Variants in THUMPD2 observed in about 807,000 individuals in gnomAD.
THUMPD2 encodes the protein U6 snRNA (guanine-N(2))-methyltransferase THUMPD2.
THUMPD2 carries 56 observed loss-of-function variants against 49.4 expected under a neutral mutation model. The ratio of observed to expected loss-of-function variants is 1.13; its 90% CI spans 0.91 to 1.41. The LOEUF is 1.41. Among genes scored for constraint, THUMPD2 ranks in the 40% most tolerant of loss-of-function variants. THUMPD2 has a pLI of 0.00. For synonymous variants in THUMPD2, 237 were observed against 205.2 expected (o/e 1.15, Z -1.32); for missense variants, 709 against 594.5 (o/e 1.19, Z -2.00).
chr2:39,749,232 A>G (rs1675053893), intron 8 of THUMPD2, among the ~76,000 whole-genome samples: 1 of 152,218 alleles, frequency 6.6e-6, no homozygotes, highest in African/African-American at 2.4e-5. Flanking sequence ...AAGAAGTTGC[A>G]TCTTTGACAG....
At chr2:39,764,158 A>G (rs971826157) in intron 5 of THUMPD2, among the ~76,000 whole-genome samples, 2 of 152,178 alleles carry the variant, frequency 1.3e-5, no homozygotes, top group African/African-American at 4.8e-5. Flanking sequence ...TCTCTTTCCT[A>G]ACTCTAATCA....
intron 6 of THUMPD2, 124 bp downstream of exon 6, chr2:39,761,207 A>G (rs1482772411): frequency 1.1e-5 from 9 of 785,526 alleles, no homozygotes; most frequent in South Asian, 2.0e-5. Context: ...AAAAGAAAAG[A>G]AGTTAAAGAA....
intron 5 of THUMPD2, among the ~76,000 whole-genome samples, chr2:39,763,654 C>T (rs1558523026): frequency 6.6e-6 from 1 of 152,080 alleles, no homozygotes; most frequent in Non-Finnish European, 1.5e-5. Flanking sequence ...CTCCTTCTCT[C>T]TTTTTATTTC....
intron 1 of THUMPD2, among the ~76,000 whole-genome samples, chr2:39,775,548 T>C (rs1241344974): frequency 6.6e-6 from 1 of 151,858 alleles, no homozygotes; most frequent in Admixed American, 6.6e-5. Context: ...GGCGGGTGGA[T>C]CACTTGAAAT....
chr2:39,742,832 C>T (rs912491685), intron 9 of THUMPD2, among the ~76,000 whole-genome samples: 1 of 152,114 alleles, frequency 6.6e-6, no homozygotes, highest in African/African-American at 2.4e-5. Context: ...TTTTTAAAAG[C>T]TCCTGAAATG....
At chr2:39,778,015 T>C (rs1679341816) in intron 1 of THUMPD2, among the ~76,000 whole-genome samples, 1 of 152,202 alleles carries the variant, frequency 6.6e-6, no homozygotes, top group South Asian at 2.1e-4. Context: ...TATATACTCA[T>C]TCTTGATTTC....
At chr2:39,753,989 A>T (rs1427699238) in intron 8 of THUMPD2, among the ~76,000 whole-genome samples, 1 of 152,104 alleles carries the variant, frequency 6.6e-6, no homozygotes, top group Non-Finnish European at 1.5e-5. Context: ...AGCACTTCTG[A>T]CTGTTTTTTA....
At chr2:39,764,709 T>C (rs143204817) in intron 5 of THUMPD2, among the ~76,000 whole-genome samples, 1 of 152,344 alleles carries the variant, frequency 6.6e-6, no homozygotes, top group African/African-American at 2.4e-5. Context: ...CTATCTGTTG[T>C]GCAAGTCTTC....
chr2:39,742,793 G>C (rs531539090), intron 9 of THUMPD2, among the ~76,000 whole-genome samples: 2 of 152,150 alleles, frequency 1.3e-5, no homozygotes, highest in Admixed American at 1.3e-4. Context: ...GCGCCTTCGT[G>C]GGGAGGGGTG....
rs185877118 is a variant in THUMPD2 at position 39,746,068 on chromosome 2, G to A, written c.1079-1590C>T. Among the ~76,000 whole-genome samples, 16 of 152,284 alleles carry A rather than the reference G, an allele frequency of 1.1e-4. No individual in the cohort carries two copies. The East Asian group carries it at 1.5e-3, about 15-fold the overall frequency. ...AATATATGGAAGACATTTAGAACAC[G>A]GCCTGGCACAAAGTGAGCATTCAGT... is the stretch of plus-strand genomic sequence containing the variant. On this transcript the variant is annotated intron_variant, in intron 8 of 9. Transcript: ENST00000505747.
At position 39,771,589 on chromosome 2, in the gene THUMPD2, T is replaced by C; in HGVS notation, c.178A>G (p.Met60Val). 1 of 1,605,686 alleles carries C rather than the reference T, an allele frequency of 6.2e-7. No homozygotes were observed. The highest frequency in any genetic ancestry group is 8.5e-7 in the Non-Finnish European group (1 of 1,177,634). ...VFFTTCSDLN[M>V]LKKLKSAERL... ...TCTGCAGATTTTAATTTCTTCAACA[T>C]ATTCAAATCAGAACAGGTGGTGAAA... is the stretch of plus-strand genomic sequence containing the variant. Residue 60 changes from methionine to valine, a missense_variant, in exon 2 of 10, where the codon ATG becomes GTG. Coordinates refer to ENST00000505747, the MANE Select transcript of THUMPD2 (RefSeq NM_025264.5).
intron 4 of THUMPD2, 97 bp from the exon 5 acceptor site, chr2:39,766,206 GT>G: frequency 2.3e-6 from 2 of 866,968 alleles, no homozygotes. Context: ...CATGATCTAT[GT>G]TTTAAAAAGA....
At position 39,779,249 on chromosome 2, in the gene THUMPD2, G is replaced by GGCGCGCCCTCGC; in HGVS notation, c.-11_-10insGCGAGGGCGCGC. 6.7e-7 allele frequency: 1 copy of GGCGCGCCCTCGC among 1,483,302 alleles called. No homozygotes were observed. The highest frequency in any genetic ancestry group is 8.9e-7 in the Non-Finnish European group (1 of 1,124,968). The allele number at this position is 1,483,302 out of a possible 1,614,324, so 91.9% of individuals were successfully genotyped here. On this transcript the variant is annotated 5_prime_UTR_variant, in exon 1 of 10. Transcript: ENST00000505747. The stretch of plus-strand genomic sequence containing the variant: ...CACGCGCCTCCGACATGGCGGCTCA[G>GGCGCGCCCTCGC]GCGCGCCCTCGCGCCTTCGGGTCAC...
At chr2:39,738,351 A>G (rs1673422907) in intron 9 of THUMPD2, among the ~76,000 whole-genome samples, 2 of 152,042 alleles carry the variant, frequency 1.3e-5, no homozygotes, top group South Asian at 4.1e-4. Flanking sequence ...TCGCTTGAGC[A>G]CAGGAGTTTG....
intron 8 of THUMPD2, among the ~76,000 whole-genome samples, chr2:39,745,272 A>G (rs935068693): frequency 6.6e-6 from 1 of 152,204 alleles, no homozygotes; most frequent in African/African-American, 2.4e-5. Flanking sequence ...CTAAATATCA[A>G]AAGTTTCTGT....
At chr2:39,764,752 C>G (rs574156140) in intron 5 of THUMPD2, among the ~76,000 whole-genome samples, 1 of 152,238 alleles carries the variant, frequency 6.6e-6, no homozygotes, top group South Asian at 2.1e-4. Flanking sequence ...GTAAATTGTT[C>G]TTTTTAGCCA....
chr2:39,768,400 T>C, intron 4 of THUMPD2, 24 bp downstream of exon 4: 2 of 1,574,344 alleles, frequency 1.3e-6, no homozygotes, highest in Non-Finnish European at 8.7e-7. Flanking sequence ...TACAAGTATA[T>C]AAAATAAAAC....
chr2:39,764,992 T>C (rs1486470489), intron 5 of THUMPD2, among the ~76,000 whole-genome samples: 2 of 152,180 alleles, frequency 1.3e-5, no homozygotes, highest in African/African-American at 4.8e-5. Context: ...TAATTTTAAA[T>C]AATCAAATAC....
At position 39,777,108 on chromosome 2, in the gene THUMPD2, A is replaced by G. The variant is rs574365997; in HGVS notation, c.126+2006T>C. Among the ~76,000 whole-genome samples, 35 of 152,326 alleles carry G rather than the reference A, an allele frequency of 2.3e-4. No homozygotes were observed. In the South Asian group the frequency reaches 6.6e-3, roughly 29 times the overall value. On this transcript the variant is annotated intron_variant, in intron 1 of 9. Transcript: ENST00000505747. The stretch of plus-strand genomic sequence containing the variant: ...AGAATGTTTTAAGTATTCCTGTACA[A>G]CTCATTGTATGGGAACTAAAATTGA...
Sources: allele counts gnomAD v4.1 joint callset (sites outside exome capture counted in the v4.1 genomes callset), GRCh38; gene constraint gnomAD v4.1.1; transcripts MANE v1.5; gene names NCBI Gene and HGNC (gene_info 2026-07-23, HGNC 2026-07-21).